Variants in TENM3 observed in about 807,000 individuals in gnomAD.
The protein encoded by TENM3 is teneurin-3.
In TENM3, 63 loss-of-function variants were observed where a neutral mutation model predicts 255.1. The observed-to-expected ratio is 0.25, with a 90% CI of 0.20 to 0.30. The LOEUF (loss-of-function observed/expected upper bound fraction) is 0.30, where lower values mean the gene tolerates loss of function less well. TENM3 is among the 10% of genes least tolerant of loss of function. TENM3 has a pLI of 1.00. For synonymous variants in TENM3, 1,306 were observed against 1,322.3 expected, an observed-to-expected ratio of 0.99 and a Z score of 0.27; for missense variants, 2,929 against 3,461.1, an observed-to-expected ratio of 0.85 and a Z score of 3.86.
chr4:182,025,320 G>A, the TENM3 span, among the ~76,000 whole-genome samples: 5 of 152,210 alleles, frequency 3.3e-5, no homozygotes, highest in East Asian at 1.9e-4. Context: ...GAGCCACCAC[G>A]CCTGGCTAGG....
At chr4:182,112,147 C>T in the TENM3 span, among the ~76,000 whole-genome samples, 83 of 152,162 alleles carry the variant, frequency 5.5e-4, no homozygotes, top group African/African-American at 1.6e-3. Flanking sequence ...AGAGGGAAAT[C>T]CTCTCTCTAA....
chr4:182,413,477 C>T (rs769402887), intron 3 of TENM3, among the ~76,000 whole-genome samples: 5 of 151,972 alleles, frequency 3.3e-5, no homozygotes, highest in Admixed American at 6.6e-5. Context: ...ATTAGCTGGA[C>T]GTGGTGTGTG....
the TENM3 span, among the ~76,000 whole-genome samples, chr4:181,845,464 CA>C: frequency 6.6e-6 from 1 of 152,082 alleles, no homozygotes; most frequent in Non-Finnish European, 1.5e-5. Context: ...TTTAGGTTAA[CA>C]TGTTAGTGGA....
At chr4:182,607,737 C>G (rs75272781) in intron 4 of TENM3, among the ~76,000 whole-genome samples, 205 of 152,206 alleles carry the variant, frequency 1.3e-3, no homozygotes, top group Non-Finnish European at 2.6e-3. Context: ...TAATCATTTG[C>G]TATAGTCCTT....
intron 4 of TENM3, among the ~76,000 whole-genome samples, chr4:182,602,497 T>C (rs1747991366): frequency 6.6e-6 from 1 of 152,216 alleles, no homozygotes; most frequent in Admixed American, 6.5e-5. Flanking sequence ...CCACAGTTAG[T>C]TGTCAACAAT....
chr4:182,032,612 G>C, the TENM3 span, among the ~76,000 whole-genome samples: 1 of 152,164 alleles, frequency 6.6e-6, no homozygotes, highest in Non-Finnish European at 1.5e-5. Context: ...GTTTGGAATA[G>C]TTTTAGAGGA....
intron 1 of TENM3, among the ~76,000 whole-genome samples, chr4:182,277,027 A>C (rs1237040559): frequency 6.6e-6 from 1 of 152,272 alleles, no homozygotes; most frequent in Non-Finnish European, 1.5e-5. Context: ...CCTCTTTGGC[A>C]ATGGCCTTTG....
the TENM3 span, among the ~76,000 whole-genome samples, chr4:182,066,683 G>A: frequency 6.6e-6 from 1 of 151,418 alleles, no homozygotes; most frequent in African/African-American, 2.4e-5. Flanking sequence ...GGCCAAGGCG[G>A]GCGGATCACA....
At chr4:182,785,480 G>A (rs1472225515) in intron 24 of TENM3, among the ~76,000 whole-genome samples, 1 of 151,702 alleles carries the variant, frequency 6.6e-6, no homozygotes, top group Non-Finnish European at 1.5e-5. Flanking sequence ...GGCTGAGGCG[G>A]GTGGATCACC....
At chr4:181,942,023 A>C in the TENM3 span, among the ~76,000 whole-genome samples, 2 of 152,182 alleles carry the variant, frequency 1.3e-5, no homozygotes, top group Non-Finnish European at 2.9e-5. Flanking sequence ...AAAAATTTCC[A>C]CAAAAGAGGC....
chr4:182,501,768 C>T (rs940999899), intron 3 of TENM3, among the ~76,000 whole-genome samples: 1 of 152,086 alleles, frequency 6.6e-6, no homozygotes, highest in African/African-American at 2.4e-5. Flanking sequence ...TCCATTCTGG[C>T]GATATAGTTA....
the TENM3 span, among the ~76,000 whole-genome samples, chr4:181,982,152 A>G: frequency 6.6e-6 from 1 of 152,180 alleles, no homozygotes; most frequent in Non-Finnish European, 1.5e-5. Flanking sequence ...GACGACGGCT[A>G]TCAGAGAAGT....
At chr4:182,740,034 TCAAAAAA>T (rs1020413310) in intron 18 of TENM3, among the ~76,000 whole-genome samples, 2 of 151,994 alleles carry the variant, frequency 1.3e-5, no homozygotes, top group African/African-American at 4.8e-5. Flanking sequence ...AGACTCCGTC[TCAAAAAA>T]CAAAAAAGGA....
chr4:182,050,994 G>A, the TENM3 span, among the ~76,000 whole-genome samples: 1 of 152,060 alleles, frequency 6.6e-6, no homozygotes, highest in Admixed American at 6.6e-5. Context: ...TCTGCTCTTG[G>A]TGTGCTGATT....
At chr4:181,725,678 G>C in the TENM3 span, among the ~76,000 whole-genome samples, 1 of 151,796 alleles carries the variant, frequency 6.6e-6, no homozygotes, top group Non-Finnish European at 1.5e-5. Context: ...TCCTGACCTC[G>C]TAATCCACCC....
the TENM3 span, among the ~76,000 whole-genome samples, chr4:181,915,694 A>C: frequency 1.1e-5 from 1 of 92,824 alleles, no homozygotes; most frequent in African/African-American, 4.1e-5. Flanking sequence ...GGAAGGGGGG[A>C]GGGGAGGAGA....
the TENM3 span, among the ~76,000 whole-genome samples, chr4:181,543,179 C>T: frequency 2.0e-5 from 3 of 152,212 alleles, no homozygotes; most frequent in African/African-American, 7.2e-5. Flanking sequence ...TCTCTCTTCT[C>T]TCTCTCCACA....
At chr4:181,824,876 G>A in the TENM3 span, among the ~76,000 whole-genome samples, 43 of 152,086 alleles carry the variant, frequency 2.8e-4, no homozygotes, top group African/African-American at 9.2e-4. Context: ...AAGTATTTCC[G>A]GCCACCAGGT....
At chr4:182,713,250 A>G (rs1285943104) in intron 12 of TENM3, among the ~76,000 whole-genome samples, 1 of 152,216 alleles carries the variant, frequency 6.6e-6, no homozygotes, top group Non-Finnish European at 1.5e-5. Context: ...GAAGCACGTC[A>G]CTACCGTGTT....
Sources: gnomAD v4.1 joint callset for allele counts (sites outside exome capture counted in the v4.1 genomes callset) on GRCh38, gnomAD v4.1.1 for gene constraint, MANE v1.5 for transcripts, NCBI Gene and HGNC (gene_info 2026-07-23, HGNC 2026-07-21) for gene names.